The following CCN3 variants were observed in gnomAD, a reference collection of about 807,000 sequenced individuals.
CCN3 encodes the protein cellular communication network factor 3.
A neutral mutation model predicts 33.4 loss-of-function variants in CCN3; 20 were observed. The observed-to-expected ratio is 0.60, with a 90% CI of 0.42 to 0.87. The LOEUF is 0.87. Ranked by LOEUF, CCN3 falls within the 40% of genes least tolerant of loss-of-function variation. The pLI is 0.00. For synonymous variants in CCN3, 205 were observed against 170.4 expected (o/e 1.20, Z -1.58); for missense variants, 465 against 455.3 (o/e 1.02, Z -0.19).
chr8:119,422,094 A>G (rs1046045977), intron 4 of CCN3, among the ~76,000 whole-genome samples: 1 of 152,170 alleles, frequency 6.6e-6, no homozygotes, highest in Non-Finnish European at 1.5e-5. Flanking sequence ...GAAACTTACA[A>G]TCATGGCAGT....
In CCN3 at chr8:119,416,551, A is replaced by G; in HGVS notation, c.19A>G (p.Thr7Ala). Residue 7 changes from threonine to alanine, a missense_variant, in exon 1 of 5, where the codon ACG becomes GCG. Physicochemically the swap from Thr to Ala is moderately conservative, Grantham distance 58. Transcript: ENST00000259526. Reference protein sequence around the residue: MQSVQSTSFCLRKQCLC... With the variant: MQSVQSASFCLRKQCLC... ...CCTGAGCATGCAGAGTGTGCAGAGC[A>G]CGAGCTTTTGTCTCCGAAAGCAGTG... is the stretch of plus-strand genomic sequence containing the variant. 1 of 1,614,016 alleles carries G rather than the reference A, an allele frequency of 6.2e-7. No individual in the cohort carries two copies. Among genetic ancestry groups the G allele is most frequent in the East Asian group, 2.2e-5 (1 of 44,872 alleles).
Position 119,419,136 on chromosome 8 carries a change from A to T in CCN3, c.568A>T (p.Arg190Trp), listed in dbSNP as rs1345105730. Reference sequence around the variant, plus strand: ...TTTATTTATACATCCCATAGCTTACAGGCCAGAAGCCACCCTAGGAGTAGA... The same window carrying T: ...TTTATTTATACATCCCATAGCTTACTGGCCAGAAGCCACCCTAGGAGTAGA... Reference protein sequence around the residue: ...SLGGLTLAAYRPEATLGVEVS... With the variant: ...SLGGLTLAAYWPEATLGVEVS... Residue 190 changes from arginine (R) to tryptophan (W), a missense_variant, in exon 4 of 5, where the codon AGG (arginine) becomes TGG (tryptophan). Arg to Trp is a moderately radical substitution (Grantham distance 101). Coordinates refer to ENST00000259526, the MANE Select transcript of CCN3 (RefSeq NM_002514.4). 6.2e-7 allele frequency: 1 copy of T among 1,613,734 alleles called. No individual in the cohort carries two copies. Among genetic ancestry groups the T allele is most frequent in the Admixed American group, 1.7e-5 (1 of 60,020 alleles).
intron 4 of CCN3, 22 bp downstream of exon 4, chr8:119,419,367 C>A: frequency 1.2e-6 from 2 of 1,610,044 alleles, no homozygotes; most frequent in East Asian, 2.2e-5. Flanking sequence ...GAGGAAACCT[C>A]CCATCCTGAA....
intron 4 of CCN3, chr8:119,419,785 G>C (rs73711267): frequency 0.23 from 36,404 of 160,120 alleles, 4,462 homozygotes; most frequent in African/African-American, 0.28. Flanking sequence ...CTACCTGGCA[G>C]ATATTGTGTG....
In CCN3 at chr8:119,421,412, A is replaced by T. The variant is rs1349647834; in HGVS notation, c.778-1424A>T. Reference sequence around the variant, plus strand: ...GTCCCACATCGGATGTACTGAATCCAAAACTCAGGGTGTGAGGTCTGACAG... The same window carrying T: ...GTCCCACATCGGATGTACTGAATCCTAAACTCAGGGTGTGAGGTCTGACAG... On this transcript the variant is annotated intron_variant, in intron 4 of 4. Transcript: ENST00000259526. Among the ~76,000 whole-genome samples, 3 of 152,220 alleles carry T rather than the reference A, an allele frequency of 2.0e-5. No homozygotes were observed. In the East Asian group the frequency reaches 5.8e-4, roughly 29 times the overall value.
At chr8:119,420,986 G>A (rs1375110766) in intron 4 of CCN3, among the ~76,000 whole-genome samples, 1 of 142,270 alleles carries the variant, frequency 7.0e-6, no homozygotes, top group Non-Finnish European at 1.5e-5. Context: ...GTCTCCAAGA[G>A]ATTCTTAAAT....
intron 4 of CCN3, among the ~76,000 whole-genome samples, chr8:119,420,664 A>G (rs2130456071): frequency 6.6e-6 from 1 of 152,328 alleles, no homozygotes; most frequent in Middle Eastern, 3.4e-3. Flanking sequence ...AAACACATAC[A>G]CACACATAGG....
chr8:119,416,845 A>T lies in CCN3; in HGVS notation c.186A>T (p.Ser62=). ...TGCGCGCGGTGCTGGACGGCTGCTC[A>T]TGCTGTCTGGTGTGTGCCCGCCAGC... ...PGVRAVLDGC[S]CCLVCARQRG... Residue 62 remains serine, a synonymous_variant, in exon 2 of 5, where the codon TCA becomes TCT. Coordinates refer to ENST00000259526, the MANE Select transcript of CCN3 (RefSeq NM_002514.4). 1.2e-6 allele frequency: 2 copies of T among 1,612,942 alleles called. No individual in the cohort carries two copies. The highest frequency in any genetic ancestry group is 1.7e-6 in the Non-Finnish European group (2 of 1,179,760).
In CCN3 at chr8:119,423,625, C is replaced by T. The variant is rs557009367; in HGVS notation, c.*493C>T. 6.5e-6 allele frequency: 1 copy of T among 153,246 alleles called. No individual in the cohort carries two copies. Among genetic ancestry groups the T allele is most frequent in the African/African-American group, 2.4e-5 (1 of 41,566 alleles). 9.5% of individuals were successfully genotyped at this position (153,246 alleles called of 1,614,324 possible). ...TTTTGGGTAAACCAGCTCTGAACTT[C>T]CAAGCTCCAAATCCAAGGAAACATG... On this transcript the variant is annotated 3_prime_UTR_variant, in exon 5 of 5. Coordinates refer to ENST00000259526, the MANE Select transcript of CCN3 (RefSeq NM_002514.4).
chr8:119,422,166 G>A (rs996711159), intron 4 of CCN3, among the ~76,000 whole-genome samples: 1 of 152,060 alleles, frequency 6.6e-6, no homozygotes, highest in Admixed American at 6.6e-5. Flanking sequence ...CAGAGAGAGA[G>A]AGAGAAAGAG....
intron 3 of CCN3, among the ~76,000 whole-genome samples, chr8:119,418,787 T>C (rs1322383001): frequency 6.6e-6 from 1 of 152,224 alleles, no homozygotes; most frequent in African/African-American, 2.4e-5. Flanking sequence ...CAGATGGCAC[T>C]TCAGGACCTT....
chr8:119,417,993 A>G lies in CCN3; in HGVS notation c.311-65A>G, dbSNP rs962242442. 2.0e-6 allele frequency: 3 copies of G among 1,499,138 alleles called. No homozygotes were observed. In the African/African-American group the frequency reaches 4.2e-5, roughly 21 times the overall value. The allele number at this position is 1,499,138 out of a possible 1,614,324, so 92.9% of individuals were successfully genotyped here. ...CCTCCAAATCTTACATAGCTTCTTC[A>G]CTGTATTGTGTTCTTGTTTTTCCTC... On this transcript the variant is annotated intron_variant, in intron 2 of 4. Coordinates refer to ENST00000259526, the MANE Select transcript of CCN3 (RefSeq NM_002514.4).
At position 119,416,876 on chromosome 8, in the gene CCN3, G is replaced by A. The variant is rs1587233924; in HGVS notation, c.217G>A (p.Glu73Lys). The A allele has an allele frequency of 6.2e-7, 1 of 1,613,816 alleles. No homozygotes were observed. Residue 73 changes from glutamate to lysine, a missense_variant, in exon 2 of 5, where the codon GAG becomes AAG. Physicochemically the swap from Glu to Lys is moderately conservative, Grantham distance 56 (BLOSUM62 1). Transcript: ENST00000259526. ...CCLVCARQRG[E>K]SCSDLEPCDE... ...TCTGGTGTGTGCCCGCCAGCGTGGC[G>A]AGAGCTGCTCAGATCTGGAGCCATG...
rs1225864788 is a variant in CCN3 at position 119,423,031 on chromosome 8, G to C, written c.973G>C (p.Val325Leu). 1.9e-6 allele frequency: 3 copies of C among 1,614,154 alleles called. No individual in the cohort carries two copies. The highest frequency in any genetic ancestry group is 2.5e-6 in the Non-Finnish European group (3 of 1,180,020). ...CCCAGGGCAAATAGTCAAGAAGCCA[G>C]TGATGGTCATTGGGACCTGCACCTG... ...CSPGQIVKKPVMVIGTCTCHT... is the reference protein window; with the variant it reads ...CSPGQIVKKPLMVIGTCTCHT... The change falls in exon 5 of 5, where the codon GTG becomes CTG. Residue 325 changes from valine (V) to leucine (L), a missense_variant. Transcript: ENST00000259526.
At position 119,416,950 on chromosome 8, in the gene CCN3, C is replaced by A. The variant is rs17856478; in HGVS notation, c.291C>A (p.Asn97Lys). The change falls in exon 2 of 5, where the codon AAC becomes AAA. Residue 97 changes from asparagine (N) to lysine (K), a missense_variant. Coordinates refer to ENST00000259526, the MANE Select transcript of CCN3 (RefSeq NM_002514.4). ...GTGATCGCAGCGCGGACCCCAGCAA[C>A]CAGACTGGCATCTGCACGGGTAATC... ...LYCDRSADPS[N>K]QTGICTAVEG... 839 of 1,612,768 alleles carry A rather than the reference C, an allele frequency of 5.2e-4. No homozygotes were observed. The highest frequency in any genetic ancestry group is 5.7e-4 in the Non-Finnish European group (668 of 1,179,110).
At chr8:119,417,257 G>A in intron 2 of CCN3, 1 of 385,124 alleles carries the variant, frequency 2.6e-6, no homozygotes, top group East Asian at 4.8e-5. Flanking sequence ...CAGAGTTAAG[G>A]GCCAGTGAAG....
At chr8:119,421,931 C>T (rs1820128810) in intron 4 of CCN3, among the ~76,000 whole-genome samples, 1 of 152,152 alleles carries the variant, frequency 6.6e-6, no homozygotes, top group African/African-American at 2.4e-5. Flanking sequence ...GTATTTGAAA[C>T]ATAAAATAAT....
At chr8:119,422,686 T>C in intron 4 of CCN3, 150 bp from the exon 5 acceptor site, 1 of 692,606 alleles carries the variant, frequency 1.4e-6, no homozygotes, top group Non-Finnish European at 2.4e-6. Flanking sequence ...TTTAGCTGAC[T>C]ACATTGCTCA....
In CCN3 at chr8:119,423,086, C is replaced by T. The variant is rs911473423; in HGVS notation, c.1028C>T (p.Ala343Val). Residue 343 changes from alanine to valine, a missense_variant, in exon 5 of 5, where the codon GCC becomes GTC. By Grantham distance (64) the Ala-to-Val change is moderately conservative (BLOSUM62 0). Transcript: ENST00000259526. ...CHTNCPKNNE[A>V]FLQELELKTT... The stretch of plus-strand genomic sequence containing the variant: ...ACCAACTGTCCTAAGAACAATGAGG[C>T]CTTCCTCCAGGAGCTGGAGCTGAAG... 1 of 1,614,116 alleles carries T rather than the reference C, an allele frequency of 6.2e-7. No homozygotes were observed. The highest frequency in any genetic ancestry group is 8.5e-7 in the Non-Finnish European group (1 of 1,180,008).
Sources: gnomAD v4.1 joint callset for allele counts (sites outside exome capture counted in the v4.1 genomes callset) on GRCh38, gnomAD v4.1.1 for gene constraint, MANE v1.5 for transcripts, NCBI Gene and HGNC (gene_info 2026-07-23, HGNC 2026-07-21) for gene names.